The following TMEM132B variants were observed in gnomAD, a reference collection of about 807,000 sequenced individuals.
TMEM132B encodes the protein transmembrane protein 132B.
Under a neutral mutation model 90.8 loss-of-function variants are expected in TMEM132B, and 18 were observed. The ratio of observed to expected loss-of-function variants is 0.20; its 90% CI spans 0.14 to 0.29. The LOEUF (loss-of-function observed/expected upper bound fraction) is 0.29. Ranked by LOEUF, TMEM132B falls within the 10% of genes least tolerant of loss-of-function variation. The pLI, the probability that TMEM132B is intolerant of heterozygous loss-of-function variation, is 1.00. For missense variants in TMEM132B, 1,096 were observed against 1,326.8 expected, an observed-to-expected ratio of 0.83 and a Z score of 2.70; for synonymous variants, 504 against 523.3, an observed-to-expected ratio of 0.96 and a Z score of 0.50.
intron 3 of TMEM132B, among the ~76,000 whole-genome samples, chr12:125,439,366 A>G (rs1880799346): frequency 6.6e-6 from 1 of 151,978 alleles, no homozygotes; most frequent in Non-Finnish European, 1.5e-5. Context: ...TGTAATTCTC[A>G]TTGTAGACCT....
At chr12:125,640,408 A>G (rs1157755428) in intron 5 of TMEM132B, among the ~76,000 whole-genome samples, 1 of 152,210 alleles carries the variant, frequency 6.6e-6, no homozygotes, top group African/African-American at 2.4e-5. Context: ...ACATCAGATC[A>G]TATCCTCAGA....
chr12:125,267,329 G>A (rs7305230), intron 1 of TMEM132B, among the ~76,000 whole-genome samples: 10,740 of 152,104 alleles, frequency 0.071, 533 homozygotes, highest in Non-Finnish European at 0.1. Flanking sequence ...GCAGGGCCGC[G>A]AATTTCCTTT....
At position 125,294,486 on chromosome 12, in the gene TMEM132B, T is replaced by C. The variant is rs192755278; in HGVS notation, c.68-54966T>C. 7.2e-5 allele frequency among the ~76,000 whole-genome samples: 11 copies of C among 152,340 alleles called. No individual in the cohort carries two copies. The East Asian group carries it at 1.9e-3, about 27-fold the overall frequency. On this transcript the variant is annotated intron_variant, in intron 1 of 8. Transcript: ENST00000682704. ...CAGAACTATTTATAATGGTAGAAAA[T>C]TTAAAACAACCTAGTTTTCCAATGA...
chr12:125,654,040 G>C lies in TMEM132B; in HGVS notation c.2582G>C (p.Gly861Ala), dbSNP rs748877386. The C allele has an allele frequency of 1.3e-5, 21 of 1,614,006 alleles. No individual in the cohort carries two copies. The highest frequency in any genetic ancestry group is 1.7e-5 in the Non-Finnish European group (20 of 1,180,036). Residue 861 changes from glycine (G) to alanine (A), a missense_variant, in exon 9 of 9, where the codon GGG becomes GCG. By Grantham distance (60) the Gly-to-Ala change is moderately conservative. Coordinates refer to ENST00000682704, the MANE Select transcript of TMEM132B (RefSeq NM_001366854.1). This position sits in a 1 kb window ranked among gnomAD's most constrained non-coding sequence, Gnocchi z 5.8. ...KSTTPQSPME[G>A]KNKLLKSGGP... ...ACAACCCCCCAGTCTCCCATGGAAGGGAAGAATAAGTTACTCAAAAGTGGT... is the reference window on the plus strand; with the variant it reads ...ACAACCCCCCAGTCTCCCATGGAAGCGAAGAATAAGTTACTCAAAAGTGGT...
chr12:125,224,679 G>A (rs577891229), intron 1 of TMEM132B, among the ~76,000 whole-genome samples: 1 of 152,358 alleles, frequency 6.6e-6, no homozygotes, highest in East Asian at 1.9e-4. Flanking sequence ...TGTGTTTTAA[G>A]AGGAAGGGCA....
chr12:125,243,010 C>CATATATATATATATATATAT (rs763167605), intron 1 of TMEM132B, among the ~76,000 whole-genome samples: 12 of 109,318 alleles, frequency 1.1e-4, no homozygotes, highest in African/African-American at 1.5e-4. Context: ...TCTCTTTCTT[C>CATATATATATATATATATAT]ATATATATAT....
intron 1 of TMEM132B, among the ~76,000 whole-genome samples, chr12:125,261,867 G>C (rs910261210): frequency 7.9e-5 from 12 of 152,140 alleles, no homozygotes; most frequent in Admixed American, 2.0e-4. Context: ...GTCTCGCTCT[G>C]ATGCCCAGGC....
Position 125,654,333 on chromosome 12 carries a change from C to G in TMEM132B, c.2875C>G (p.Leu959Val), listed in dbSNP as rs2137057727. The G allele has an allele frequency of 1.9e-6, 3 of 1,612,934 alleles. No homozygotes were observed. The highest frequency in any genetic ancestry group is 2.5e-6 in the Non-Finnish European group (3 of 1,180,016). ...DWVWLGNEVELLENPVDITLP... is the reference protein window; with the variant it reads ...DWVWLGNEVEVLENPVDITLP... ...GGTCTGGCTTGGGAATGAAGTGGAA[C>G]TTTTGGAGAACCCTGTTGACATTAC... is the stretch of plus-strand genomic sequence containing the variant. The change falls in exon 9 of 9, where the codon CTT becomes GTT. Residue 959 changes from leucine to valine, a missense_variant. Physicochemically the swap from Leu to Val is conservative, Grantham distance 32. Transcript: ENST00000682704. The surrounding 1 kb of genome is among the most constrained non-coding windows in gnomAD (Gnocchi z 5.8).
At chr12:125,194,935 C>A (rs1313884650) in intron 1 of TMEM132B, among the ~76,000 whole-genome samples, 1 of 152,154 alleles carries the variant, frequency 6.6e-6, no homozygotes, top group Non-Finnish European at 1.5e-5. Context: ...GCAGACTTTT[C>A]TTATTAGTTG....
At chr12:125,565,047 A>T (rs1884627778) in intron 4 of TMEM132B, among the ~76,000 whole-genome samples, 1 of 152,174 alleles carries the variant, frequency 6.6e-6, no homozygotes, top group South Asian at 2.1e-4. Context: ...GCATTGTTCC[A>T]AGTGTTTTAA....
At position 125,415,398 on chromosome 12, in the gene TMEM132B, C is replaced by G; in HGVS notation, c.960-133C>G. On this transcript the variant is annotated intron_variant, in intron 2 of 8. Coordinates refer to ENST00000682704, the MANE Select transcript of TMEM132B (RefSeq NM_001366854.1). This position sits in a 1 kb window ranked among gnomAD's most constrained non-coding sequence, Gnocchi z 5.3. ...GAAAGCCACTTGCCACCACTCTCCC[C>G]CACATCTCCCAGAGGAAGGGGGCGA... 1 of 1,169,116 alleles carries G rather than the reference C, an allele frequency of 8.6e-7. No individual in the cohort carries two copies. Among genetic ancestry groups the G allele is most frequent in the East Asian group, 2.6e-5 (1 of 38,738 alleles). 72.4% of individuals were successfully genotyped at this position (1,169,116 alleles called of 1,614,324 possible).
chr12:125,277,797 G>A lies in TMEM132B; in HGVS notation c.68-71655G>A, dbSNP rs1247901873. On this transcript the variant is annotated intron_variant, in intron 1 of 8. Coordinates refer to ENST00000682704, the MANE Select transcript of TMEM132B (RefSeq NM_001366854.1). The surrounding 1 kb of genome is among the most constrained non-coding windows in gnomAD (Gnocchi z 4.3). Reference sequence around the variant, plus strand: ...GTGGCAGCTCTGGGGAGCTAACAACGACGTTAAAAAAAGTTGGACAAATGG... The same window carrying A: ...GTGGCAGCTCTGGGGAGCTAACAACAACGTTAAAAAAAGTTGGACAAATGG... 1.3e-5 allele frequency among the ~76,000 whole-genome samples: 2 copies of A among 152,104 alleles called. No individual in the cohort carries two copies. The highest frequency in any genetic ancestry group is 2.9e-5 in the Non-Finnish European group (2 of 68,018).
chr12:125,618,403 T>A (rs527451213), intron 5 of TMEM132B, among the ~76,000 whole-genome samples: 1 of 152,262 alleles, frequency 6.6e-6, no homozygotes, highest in East Asian at 1.9e-4. Flanking sequence ...AGATGAGGAA[T>A]GTTGGTAGCC....
At chr12:125,532,809 C>T (rs1883681111) in intron 4 of TMEM132B, among the ~76,000 whole-genome samples, 1 of 152,088 alleles carries the variant, frequency 6.6e-6, no homozygotes, top group Admixed American at 6.5e-5. Context: ...ACCACCACAC[C>T]CGGCCTTAGG....
intron 3 of TMEM132B, among the ~76,000 whole-genome samples, chr12:125,511,863 A>AAAAG (rs1882988972): frequency 6.6e-6 from 1 of 151,334 alleles, no homozygotes; most frequent in Non-Finnish European, 1.5e-5. Flanking sequence ...AAAAAAAAAA[A>AAAAG]AAAAAGAAAA....
chr12:125,237,379 G>A (rs973092563), intron 1 of TMEM132B, among the ~76,000 whole-genome samples: 1 of 152,172 alleles, frequency 6.6e-6, no homozygotes, highest in Non-Finnish European at 1.5e-5. Flanking sequence ...GGCCTCCCCT[G>A]TTCTCTCTCC....
At chr12:125,276,847 T>C (rs535630597) in intron 1 of TMEM132B, among the ~76,000 whole-genome samples, 117 of 152,276 alleles carry the variant, frequency 7.7e-4, no homozygotes, top group African/African-American at 2.2e-3. Context: ...AAGAGAGGAA[T>C]TGATTGAGGG....
intron 4 of TMEM132B, among the ~76,000 whole-genome samples, chr12:125,562,918 G>A (rs1164689448): frequency 6.6e-6 from 1 of 151,940 alleles, no homozygotes; most frequent in Non-Finnish European, 1.5e-5. Context: ...CGTGATACCA[G>A]ACTAATATAT....
chr12:125,375,542 A>G (rs1456043587), intron 2 of TMEM132B, among the ~76,000 whole-genome samples: 1 of 152,244 alleles, frequency 6.6e-6, no homozygotes, highest in East Asian at 1.9e-4. Flanking sequence ...AAGTTACATC[A>G]GGATTCAGAT....
Sources: allele counts gnomAD v4.1 joint callset (sites outside exome capture counted in the v4.1 genomes callset), GRCh38; gene constraint gnomAD v4.1.1; non-coding constraint Gnocchi (gnomAD v3.1); transcripts MANE v1.5; gene names NCBI Gene and HGNC (gene_info 2026-07-23, HGNC 2026-07-21).